Variants in JAK1 observed in about 807,000 individuals in gnomAD.
JAK1 encodes the protein tyrosine-protein kinase JAK1.
In JAK1, 16 loss-of-function variants were observed where a neutral mutation model predicts 136.6. The observed-to-expected ratio is 0.12, with a 90% confidence interval of 0.08 to 0.18. The LOEUF is 0.18. Among genes scored for constraint, JAK1 ranks in the 10% least tolerant of loss-of-function variants. JAK1 has a pLI of 1.00. For missense variants in JAK1, 859 were observed against 1,450.1 expected, an observed-to-expected ratio of 0.59 and a Z score of 6.62; for synonymous variants, 492 against 519.5, an observed-to-expected ratio of 0.95 and a Z score of 0.72.
chr1:65,060,667 C>CTGTG (rs1473893044), intron 1 of JAK1, among the ~76,000 whole-genome samples: 4 of 152,002 alleles, frequency 2.6e-5, no homozygotes, highest in Non-Finnish European at 5.9e-5. Context: ...TGTCATTATT[C>CTGTG]TGTGAATGGT....
At chr1:64,913,150 T>C (rs1415175699) in intron 1 of JAK1, among the ~76,000 whole-genome samples, 2 of 152,174 alleles carry the variant, frequency 1.3e-5, no homozygotes, top group Non-Finnish European at 2.9e-5. Context: ...ACGTCCAGAA[T>C]AGCCGAGACT....
At chr1:64,949,637 T>C (rs1646047141) in intron 1 of JAK1, among the ~76,000 whole-genome samples, 1 of 152,216 alleles carries the variant, frequency 6.6e-6, no homozygotes, top group African/African-American at 2.4e-5. Flanking sequence ...GTATTTGACA[T>C]GTTACTTGCC....
intron 2 of JAK1, among the ~76,000 whole-genome samples, chr1:65,034,471 G>C (rs1250479348): frequency 6.6e-6 from 1 of 152,198 alleles, no homozygotes; most frequent in African/African-American, 2.4e-5. Context: ...CAAATGGAAG[G>C]TGAGTGTCTA....
intron 1 of JAK1, among the ~76,000 whole-genome samples, chr1:64,930,663 A>G (rs1002844292): frequency 1.1e-4 from 4 of 35,610 alleles, no homozygotes; most frequent in African/African-American, 1.7e-4. Flanking sequence ...TACCCAAATG[A>G]TTATAAATCA....
intron 1 of JAK1, among the ~76,000 whole-genome samples, chr1:64,964,722 A>G (rs1361530210): frequency 6.6e-6 from 1 of 152,242 alleles, no homozygotes; most frequent in Non-Finnish European, 1.5e-5. Context: ...CTTAGTTAAT[A>G]TGATATACAG....
At chr1:65,044,821 C>T (rs1316791541) in intron 1 of JAK1, among the ~76,000 whole-genome samples, 1 of 152,208 alleles carries the variant, frequency 6.6e-6, no homozygotes, top group African/African-American at 2.4e-5. Flanking sequence ...CCTGCTGTCA[C>T]CCTTGGAGAC....
At chr1:65,054,928 T>G (rs1162391927) in intron 1 of JAK1, among the ~76,000 whole-genome samples, 1 of 152,236 alleles carries the variant, frequency 6.6e-6, no homozygotes, top group African/African-American at 2.4e-5. Flanking sequence ...AGCAGTTATC[T>G]TCACACGGAA....
chr1:65,041,173 C>T (rs746676458), intron 2 of JAK1, among the ~76,000 whole-genome samples: 17 of 152,128 alleles, frequency 1.1e-4, no homozygotes, highest in Non-Finnish European at 1.9e-4. Context: ...TCGCACGGGT[C>T]GGAGCAGCCA....
chr1:64,872,934 G>A (rs745469815), intron 5 of JAK1, among the ~76,000 whole-genome samples: 6 of 151,578 alleles, frequency 4.0e-5, no homozygotes, highest in South Asian at 2.1e-4. Flanking sequence ...TTTTTCTAGC[G>A]TCTAATCTTT....
intron 5 of JAK1, among the ~76,000 whole-genome samples, chr1:64,873,033 A>T (rs2101155867): frequency 6.6e-6 from 1 of 152,156 alleles, no homozygotes. Flanking sequence ...AGCCCTGTTG[A>T]ATTACATCTT....
chr1:65,017,492 C>A (rs1205933939), intron 2 of JAK1, among the ~76,000 whole-genome samples: 1 of 151,952 alleles, frequency 6.6e-6, no homozygotes, highest in Non-Finnish European at 1.5e-5. Context: ...AAAAATAAAT[C>A]ATTAGAGGAT....
chr1:65,029,398 C>G (rs191810447), intron 2 of JAK1, among the ~76,000 whole-genome samples: 1 of 152,276 alleles, frequency 6.6e-6, no homozygotes, highest in African/African-American at 2.4e-5. Flanking sequence ...ACACACCCAG[C>G]CTATTTTTCC....
intron 2 of JAK1, among the ~76,000 whole-genome samples, chr1:65,016,376 C>T (rs141607130): frequency 2.2e-4 from 33 of 152,166 alleles, no homozygotes; most frequent in Non-Finnish European, 1.8e-4. Context: ...AATCCTAGCA[C>T]GTTGGGAGGC....
chr1:64,986,644 G>C (rs1646602276), intron 2 of JAK1, among the ~76,000 whole-genome samples: 1 of 152,082 alleles, frequency 6.6e-6, no homozygotes, highest in Non-Finnish European at 1.5e-5. Flanking sequence ...TGTAATCCCA[G>C]CACTTTGGAG....
chr1:64,966,658 G>A (rs531749718), upstream of JAK1, among the ~76,000 whole-genome samples: 723 of 149,618 alleles, frequency 4.8e-3, 4 homozygotes, highest in Non-Finnish European at 9.0e-3. Flanking sequence ...AGCGGGGCGG[G>A]GTCGCGGTCC....
intron 19 of JAK1, 124 bp from the exon 20 acceptor site, chr1:64,839,919 A>G: frequency 1.4e-6 from 1 of 738,756 alleles, no homozygotes; most frequent in Non-Finnish European, 2.2e-6. Context: ...CTGGCCTTGC[A>G]GGCAGAAGCC....
intron 19 of JAK1, among the ~76,000 whole-genome samples, chr1:64,840,164 G>A (rs1163971158): frequency 6.6e-6 from 1 of 152,228 alleles, no homozygotes; most frequent in East Asian, 1.9e-4. Flanking sequence ...GCTGAAAAGA[G>A]CAAATGCATG....
intron 1 of JAK1, among the ~76,000 whole-genome samples, chr1:64,928,572 A>T (rs78043513): frequency 0.02 from 3,097 of 152,188 alleles, 117 homozygotes; most frequent in African/African-American, 0.072. Flanking sequence ...AGCAGAGAAA[A>T]ATAGCTTAGA....
chr1:64,883,200 A>C (rs1644801665), intron 3 of JAK1, 77 bp downstream of exon 3: 2 of 1,229,700 alleles, frequency 1.6e-6, no homozygotes, highest in Non-Finnish European at 1.1e-6. Flanking sequence ...GCAGCGCTAC[A>C]AGGGGCAGAG....
Sources: gnomAD v4.1 joint callset for allele counts (sites outside exome capture counted in the v4.1 genomes callset) on GRCh38, gnomAD v4.1.1 for gene constraint, MANE v1.5 for transcripts, NCBI Gene and HGNC (gene_info 2026-07-23, HGNC 2026-07-21) for gene names.